Variants in RGS6 observed in about 807,000 individuals in gnomAD.
RGS6 encodes regulator of G protein signaling 6.
In RGS6, 30 loss-of-function variants were observed where a neutral mutation model predicts 78.5. That is an observed-to-expected ratio of 0.38 (90% CI 0.29 to 0.52). The LOEUF (loss-of-function observed/expected upper bound fraction) is 0.52, where lower values mean the gene tolerates loss of function less well. Ranked by LOEUF, RGS6 falls within the 20% of genes least tolerant of loss-of-function variation. RGS6 has a pLI of 0.85. For synonymous variants in RGS6, 206 were observed against 206.0 expected, an observed-to-expected ratio of 1.00 and a Z score of 0.00; for missense variants, 495 against 609.7, an observed-to-expected ratio of 0.81 and a Z score of 1.98.
intron 14 of RGS6, 65 bp from the exon 15 acceptor site, chr14:72,518,285 GC>G (rs1323043591): frequency 2.3e-4 from 341 of 1,492,096 alleles, no homozygotes; most frequent in Non-Finnish European, 2.5e-4. Flanking sequence ...CAGCTCTGGG[GC>G]CATCTCAGGC....
In RGS6 at chr14:72,510,176, G is replaced by T; in HGVS notation, c.988G>T (p.Val330Leu). 6.2e-7 allele frequency: 1 copy of T among 1,611,596 alleles called. No homozygotes were observed. Among genetic ancestry groups the T allele is most frequent in the South Asian group, 1.1e-5 (1 of 90,402 alleles). Residue 330 changes from valine (V) to leucine (L), a missense_variant, in exon 14 of 18, where the codon GTA (valine) becomes TTA (leucine). Coordinates refer to ENST00000553525, the MANE Select transcript of RGS6 (RefSeq NM_001204424.2). ...EMSKEPSQQR[V>L]KRWGFSFDEI... ...AAGCAAAGAGCCCAGCCAACAGCGA[G>T]TAAAAAGATGGGGCTTCTCTTTCGA...
chr14:71,904,517 A>G, the RGS6 span, among the ~76,000 whole-genome samples: 2 of 152,246 alleles, frequency 1.3e-5, no homozygotes, highest in Non-Finnish European at 2.9e-5. Context: ...ACTAATACAG[A>G]GGAAATATAA....
chr14:71,874,373 G>T, the RGS6 span, among the ~76,000 whole-genome samples: 1 of 151,886 alleles, frequency 6.6e-6, no homozygotes, highest in African/African-American at 2.4e-5. Context: ...TTGTAAGTTG[G>T]ATTCCTAGGT....
intron 2 of RGS6, among the ~76,000 whole-genome samples, chr14:72,087,395 T>C (rs1208453085): frequency 1.3e-5 from 2 of 152,264 alleles, no homozygotes; most frequent in African/African-American, 2.4e-5. Flanking sequence ...CCTCCCAAAG[T>C]GCTGGAATTA....
At chr14:72,369,527 T>C (rs1446025646) in intron 3 of RGS6, among the ~76,000 whole-genome samples, 1 of 152,238 alleles carries the variant, frequency 6.6e-6, no homozygotes, top group African/African-American at 2.4e-5. Context: ...AAGCACATTA[T>C]AGTTTAAAGT....
intron 3 of RGS6, among the ~76,000 whole-genome samples, chr14:72,432,896 C>A (rs1170581015): frequency 9.8e-5 from 15 of 152,328 alleles, no homozygotes; most frequent in Admixed American, 9.8e-4. Context: ...AGTCTAATGG[C>A]AGCCAGCAGA....
At chr14:72,474,287 A>G (rs921904177) in intron 9 of RGS6, among the ~76,000 whole-genome samples, 20 of 152,188 alleles carry the variant, frequency 1.3e-4, no homozygotes, top group African/African-American at 4.8e-4. Context: ...ATAAATAGCT[A>G]CTCATCCTGA....
rs547439760 is a variant in RGS6, at chr14:72,163,691, T to C, written c.85-188404T>C. Among the ~76,000 whole-genome samples the C allele has an allele frequency of 2.4e-4, 37 of 152,268 alleles. 1 individual carries two copies. The highest frequency in any genetic ancestry group is 2.2e-3 in the Admixed American group (34 of 15,300). On this transcript the variant is annotated intron_variant, in intron 2 of 17. Transcript: ENST00000553525. ...CGAGGTCAGGCGTTCGAGACCAGCC[T>C]GGCCAACGTGGTGAAACCCCATCTC...
At chr14:72,453,670 G>A (rs893697617) in intron 3 of RGS6, among the ~76,000 whole-genome samples, 16 of 141,672 alleles carry the variant, frequency 1.1e-4, no homozygotes, top group Non-Finnish European at 2.0e-4. Context: ...ATTTATATTC[G>A]TTAAGGTAAT....
chr14:72,072,194 T>G lies in RGS6; in HGVS notation c.84+107319T>G, dbSNP rs557435169. On this transcript the variant is annotated intron_variant, in intron 2 of 17. Coordinates refer to ENST00000553525, the MANE Select transcript of RGS6 (RefSeq NM_001204424.2). ...AGCATGGAGAGGTTAAGGGTCTTGA[T>G]CAAGGTCCCACAATCTTATTCTCAA... 2.6e-5 allele frequency among the ~76,000 whole-genome samples: 4 copies of G among 152,308 alleles called. No individual in the cohort carries two copies. The South Asian group carries it at 8.3e-4, about 32-fold the overall frequency.
Position 72,280,029 on chromosome 14 carries a change from G to A in RGS6, c.85-72066G>A, listed in dbSNP as rs536527583. On this transcript the variant is annotated intron_variant, in intron 2 of 17. Transcript: ENST00000553525. ...ACTACTACAGGGTACTGTGTTTGAT[G>A]CACATAAAAATTATTAACATGTATT... 2.0e-5 allele frequency among the ~76,000 whole-genome samples: 3 copies of A among 152,256 alleles called. No individual in the cohort carries two copies. The East Asian group carries it at 5.8e-4, about 29-fold the overall frequency.
In RGS6 at chr14:72,307,667, T is replaced by C. The variant is rs192755344; in HGVS notation, c.85-44428T>C. Among the ~76,000 whole-genome samples the C allele has an allele frequency of 5.3e-5, 8 of 152,072 alleles. No homozygotes were observed. In the East Asian group the frequency reaches 1.5e-3, roughly 29 times the overall value. On this transcript the variant is annotated intron_variant, in intron 2 of 17. Transcript: ENST00000553525. Reference sequence around the variant, plus strand: ...TTATATATTTAAAATGTTTTAATATTGATTATTATGTATATTTGTCTTTTC... The same window carrying C: ...TTATATATTTAAAATGTTTTAATATCGATTATTATGTATATTTGTCTTTTC...
intron 17 of RGS6, among the ~76,000 whole-genome samples, chr14:72,558,095 C>T (rs1055540285): frequency 1.4e-4 from 22 of 152,142 alleles, no homozygotes; most frequent in South Asian, 2.1e-4. Context: ...AACGTATACC[C>T]CATCACCCTA....
At chr14:72,342,490 C>T (rs1039619682) in intron 2 of RGS6, among the ~76,000 whole-genome samples, 1 of 151,230 alleles carries the variant, frequency 6.6e-6, no homozygotes, top group Non-Finnish European at 1.5e-5. Flanking sequence ...TGCTTGAACC[C>T]AGGAGGTTGC....
intron 2 of RGS6, among the ~76,000 whole-genome samples, chr14:72,029,407 G>T (rs2090466678): frequency 6.6e-6 from 1 of 152,184 alleles, no homozygotes; most frequent in Non-Finnish European, 1.5e-5. Context: ...TCAGCTGTTG[G>T]ATTTCTTGAT....
chr14:71,987,329 AG>A (rs1405217303), intron 2 of RGS6, among the ~76,000 whole-genome samples: 1 of 152,090 alleles, frequency 6.6e-6, no homozygotes, highest in East Asian at 1.9e-4. Context: ...AGAGACTGGC[AG>A]TGAGGATGGG....
intron 2 of RGS6, among the ~76,000 whole-genome samples, chr14:72,308,093 A>C (rs1354802755): frequency 1.3e-5 from 2 of 152,210 alleles, no homozygotes; most frequent in African/African-American, 4.8e-5. Flanking sequence ...CCAGGTGTAC[A>C]GTGATATCAT....
chr14:72,030,450 G>T (rs1405723765), intron 2 of RGS6, among the ~76,000 whole-genome samples: 1 of 152,154 alleles, frequency 6.6e-6, no homozygotes, highest in Non-Finnish European at 1.5e-5. Flanking sequence ...TAGGTTGGCT[G>T]GTATCAGTGT....
At chr14:72,105,483 C>T (rs1407061064) in intron 2 of RGS6, among the ~76,000 whole-genome samples, 3 of 152,110 alleles carry the variant, frequency 2.0e-5, no homozygotes, top group Non-Finnish European at 4.4e-5. Context: ...TTGAGGGTGC[C>T]CTCTGCTATT....
Sources: allele counts gnomAD v4.1 joint callset (sites outside exome capture counted in the v4.1 genomes callset), GRCh38; gene constraint gnomAD v4.1.1; transcripts MANE v1.5; gene names NCBI Gene and HGNC (gene_info 2026-07-23, HGNC 2026-07-21).